The following RBMS3 variants were observed in gnomAD, a reference collection of about 807,000 sequenced individuals.
RBMS3 encodes the protein RNA-binding motif, single-stranded-interacting protein 3.
RBMS3 carries 27 observed loss-of-function variants against 66.8 expected under a neutral mutation model. The ratio of observed to expected loss-of-function variants is 0.40; its 90% CI spans 0.30 to 0.56. The LOEUF is 0.56. RBMS3 is among the 20% of genes least tolerant of loss of function. The pLI is 0.40. For synonymous variants in RBMS3, 188 were observed against 183.0 expected (o/e 1.03, Z -0.22); for missense variants, 513 against 549.5 (o/e 0.93, Z 0.66).
chr3:29,305,243 C>T (rs1435577705), intron 1 of RBMS3, among the ~76,000 whole-genome samples: 1 of 151,934 alleles, frequency 6.6e-6, no homozygotes, highest in Non-Finnish European at 1.5e-5. Context: ...CATTGTTTTA[C>T]CATATTTTAA....
At chr3:29,491,273 C>T (rs574845494) in intron 3 of RBMS3, among the ~76,000 whole-genome samples, 1 of 152,208 alleles carries the variant, frequency 6.6e-6, no homozygotes, top group South Asian at 2.1e-4. Flanking sequence ...TTTGCAACAG[C>T]TTATTTAATT....
At chr3:29,840,139 A>G (rs1209645378) in intron 6 of RBMS3, among the ~76,000 whole-genome samples, 4 of 152,140 alleles carry the variant, frequency 2.6e-5, no homozygotes, top group Admixed American at 1.3e-4. Context: ...TCTATGGGGC[A>G]ACAGCATATC....
At chr3:29,547,893 C>T (rs1370792) in intron 3 of RBMS3, among the ~76,000 whole-genome samples, 82,884 of 148,164 alleles carry the variant, frequency 0.56, 24,133 homozygotes, top group African/African-American at 0.74. Context: ...TTCACACAAC[C>T]TCCGTCTTCT....
intron 2 of RBMS3, among the ~76,000 whole-genome samples, chr3:29,438,634 A>G (rs762998230): frequency 1.3e-5 from 2 of 152,212 alleles, no homozygotes. Flanking sequence ...AGTTGTACCT[A>G]TGTTTTGGAT....
chr3:29,576,267 G>T (rs1178555392), intron 3 of RBMS3, among the ~76,000 whole-genome samples: 5 of 152,102 alleles, frequency 3.3e-5, no homozygotes, highest in Non-Finnish European at 2.9e-5. Flanking sequence ...GAATTCTCTG[G>T]ATTACCAGGC....
At chr3:29,490,179 A>ATTTAAAATTAAATTT (rs2043488123) in intron 3 of RBMS3, among the ~76,000 whole-genome samples, 1 of 106,350 alleles carries the variant, frequency 9.4e-6, no homozygotes. Flanking sequence ...TTTAAAATTA[A>ATTTAAAATTAAATTT]AATTTAAAAT....
At chr3:29,359,367 T>C (rs938906340) in intron 1 of RBMS3, among the ~76,000 whole-genome samples, 2 of 152,216 alleles carry the variant, frequency 1.3e-5, no homozygotes, top group Non-Finnish European at 2.9e-5. Flanking sequence ...TTTCGTATGT[T>C]GAACCAGCCT....
At chr3:29,981,415 A>G (rs1379969301) in intron 12 of RBMS3, among the ~76,000 whole-genome samples, 1 of 152,008 alleles carries the variant, frequency 6.6e-6, no homozygotes, top group African/African-American at 2.4e-5. Flanking sequence ...TTTGAATGCC[A>G]TTTATTTCTT....
chr3:29,862,864 G>GAAAAAAAA (rs5847603), intron 6 of RBMS3, among the ~76,000 whole-genome samples: 2 of 91,440 alleles, frequency 2.2e-5, no homozygotes, highest in African/African-American at 3.9e-5. Context: ...AAAGAAAAAA[G>GAAAAAAAA]AAAAAAAAAA....
intron 1 of RBMS3, among the ~76,000 whole-genome samples, chr3:29,316,449 C>A (rs1404732618): frequency 6.6e-6 from 1 of 151,616 alleles, no homozygotes; most frequent in Non-Finnish European, 1.5e-5. Context: ...GTTTGAACTT[C>A]ATATGGTAGT....
rs762069928 is a variant in RBMS3 at position 29,281,725 on chromosome 3, C to A, written c.44C>A (p.Thr15Asn). The A allele has an allele frequency of 1.9e-6, 3 of 1,613,546 alleles. No individual in the cohort carries two copies. Among genetic ancestry groups the A allele is most frequent in the South Asian group, 2.2e-5 (2 of 91,040 alleles). The change falls in exon 1 of 15, where the codon ACT (threonine) becomes AAT (asparagine). Residue 15 changes from threonine to asparagine, a missense_variant. Coordinates refer to ENST00000383767, the MANE Select transcript of RBMS3 (RefSeq NM_001003793.3). ...LDQPQMYPQY[T>N]YYYPHYLQTK... ...CAGCCACAAATGTACCCCCAGTACA[C>A]TTACTACTATCCTCATTATCTCCAA...
At chr3:29,807,033 A>T (rs938353567) in intron 6 of RBMS3, among the ~76,000 whole-genome samples, 1 of 151,918 alleles carries the variant, frequency 6.6e-6, no homozygotes, top group Non-Finnish European at 1.5e-5. Context: ...AATCTGTAAG[A>T]TGGTTGCCTG....
intron 1 of RBMS3, among the ~76,000 whole-genome samples, chr3:29,370,300 T>C (rs941855409): frequency 1.3e-5 from 2 of 152,192 alleles, no homozygotes; most frequent in Non-Finnish European, 1.5e-5. Flanking sequence ...ATCTTGCAGC[T>C]CATGTCTGAA....
intron 5 of RBMS3, 125 bp downstream of exon 5, chr3:29,740,002 T>G: frequency 4.0e-6 from 3 of 748,718 alleles, no homozygotes; most frequent in Non-Finnish European, 5.9e-6. Context: ...TAAAAGTAGC[T>G]TATCAAATCT....
At chr3:29,503,438 G>A (rs905279364) in intron 3 of RBMS3, among the ~76,000 whole-genome samples, 6 of 151,660 alleles carry the variant, frequency 4.0e-5, no homozygotes, top group Non-Finnish European at 7.4e-5. Flanking sequence ...TTATTTCCTC[G>A]TACTCACTCT....
chr3:29,317,309 A>AT (rs2034740051), intron 1 of RBMS3, among the ~76,000 whole-genome samples: 1 of 151,678 alleles, frequency 6.6e-6, no homozygotes, highest in African/African-American at 2.4e-5. Context: ...TTATCCTTAT[A>AT]TTTTTTCTAT....
chr3:29,515,622 G>GT (rs150251147), intron 3 of RBMS3, among the ~76,000 whole-genome samples: 2,895 of 152,292 alleles, frequency 0.019, 49 homozygotes, highest in Middle Eastern at 0.058. Flanking sequence ...GACTTAAACT[G>GT]TTTTTCACAC....
chr3:29,912,083 A>AATGG (rs200283095), intron 10 of RBMS3, among the ~76,000 whole-genome samples: 1,529 of 152,058 alleles, frequency 0.01, 6 homozygotes, highest in East Asian at 0.029. Flanking sequence ...CGGATGGATG[A>AATGG]ATGGATGGAT....
At chr3:29,780,934 A>T (rs543205277) in intron 6 of RBMS3, among the ~76,000 whole-genome samples, 1 of 152,110 alleles carries the variant, frequency 6.6e-6, no homozygotes, top group South Asian at 2.1e-4. Context: ...TTAAGATACT[A>T]TGTTAAAATA....
Sources: gnomAD v4.1 joint callset for allele counts (sites outside exome capture counted in the v4.1 genomes callset) on GRCh38, gnomAD v4.1.1 for gene constraint, MANE v1.5 for transcripts, NCBI Gene and HGNC (gene_info 2026-07-23, HGNC 2026-07-21) for gene names.